SCIMP: variants seen among roughly 807,000 people sequenced by gnomAD.
The protein encoded by SCIMP is SLP adaptor and CSK interacting membrane protein.
Under a neutral mutation model 22.0 loss-of-function variants are expected in SCIMP, and 18 were observed. The observed-to-expected ratio is 0.82, with a 90% confidence interval of 0.56 to 1.21. The LOEUF (loss-of-function observed/expected upper bound fraction) is 1.21. SCIMP is among the 50% of genes most tolerant of loss of function. SCIMP has a pLI of 0.00. For missense variants in SCIMP, 155 were observed against 171.2 expected (o/e 0.91, Z 0.53); for synonymous variants, 53 against 62.2 (o/e 0.85, Z 0.70).
In SCIMP at chr17:5,225,812, A is replaced by G. The variant is rs1271889364; in HGVS notation, c.22-2356T>C. Among the ~76,000 whole-genome samples, 3 of 151,330 alleles carry G rather than the reference A, an allele frequency of 2.0e-5. No homozygotes were observed. In the Admixed American group the frequency reaches 2.0e-4, roughly 10 times the overall value. Reference sequence around the variant, plus strand: ...CAAAGAGGGAGTTGTGAGAACCCCAACTTGAAGCTGGTTGCTCTCAAGTTC... The same window carrying G: ...CAAAGAGGGAGTTGTGAGAACCCCAGCTTGAAGCTGGTTGCTCTCAAGTTC... On this transcript the variant is annotated intron_variant, in intron 1 of 4. Coordinates refer to ENST00000574081, the MANE Select transcript of SCIMP (RefSeq NM_207103.3).
Position 5,209,078 on chromosome 17 carries a change from C to G in SCIMP, c.*1723G>C, listed in dbSNP as rs1235040316. 1 of 152,098 alleles carries G rather than the reference C, an allele frequency of 6.6e-6. No individual in the cohort carries two copies. Among genetic ancestry groups the G allele is most frequent in the East Asian group, 1.9e-4 (1 of 5,194 alleles). 9.4% of individuals were successfully genotyped at this position (152,098 alleles called of 1,614,324 possible). A position where few individuals can be genotyped will look rare whatever the true frequency, so the allele number is the denominator to read the frequency against. ...TCTTTGGCTGGTGGGATACCAGAGT[C>G]CCATAAGGCCATAGTTAGATAACTA... On this transcript the variant is annotated 3_prime_UTR_variant, in exon 5 of 5. Transcript: ENST00000574081.
intron 1 of SCIMP, among the ~76,000 whole-genome samples, chr17:5,225,557 T>C (rs2074641272): frequency 6.6e-6 from 1 of 151,990 alleles, no homozygotes; most frequent in Non-Finnish European, 1.5e-5. Flanking sequence ...GGTCAGGAGT[T>C]CGAAACCAGC....
At chr17:5,218,482 G>C (rs2074582145) in intron 3 of SCIMP, among the ~76,000 whole-genome samples, 1 of 152,096 alleles carries the variant, frequency 6.6e-6, no homozygotes, top group South Asian at 2.1e-4. Flanking sequence ...TGGGATTACA[G>C]GCACACACCA....
At chr17:5,230,828 TACTC>T (rs1264854869) in intron 1 of SCIMP, among the ~76,000 whole-genome samples, 1 of 152,112 alleles carries the variant, frequency 6.6e-6, no homozygotes, top group African/African-American at 2.4e-5. Flanking sequence ...TAGTCCCAGA[TACTC>T]AGGAGGCTGA....
intron 3 of SCIMP, among the ~76,000 whole-genome samples, chr17:5,219,972 ACT>A (rs980060815): frequency 6.6e-6 from 1 of 151,668 alleles, no homozygotes; most frequent in African/African-American, 2.4e-5. Context: ...TAGACCCCAC[ACT>A]CCATCACTTT....
At position 5,223,318 on chromosome 17, in the gene SCIMP, T is replaced by C; in HGVS notation, c.145+15A>G. 6.2e-7 allele frequency: 1 copy of C among 1,613,036 alleles called. No homozygotes were observed. Among genetic ancestry groups the C allele is most frequent in the South Asian group, 1.1e-5 (1 of 91,034 alleles). ...TGGCTCCTCCCTCCACCTGCCTAGG[T>C]AAAATGGCCATTACCTCGTCTAAGC... On this transcript the variant is annotated intron_variant, in intron 2 of 4. Transcript: ENST00000574081.
At position 5,210,564 on chromosome 17, in the gene SCIMP, G is replaced by A. The variant is rs1376500887; in HGVS notation, c.*237C>T. The A allele has an allele frequency of 2.1e-6, 1 of 478,232 alleles. No homozygotes were observed. The highest frequency in any genetic ancestry group is 3.6e-6 in the Non-Finnish European group (1 of 278,096). 29.6% of individuals were successfully genotyped at this position (478,232 alleles called of 1,614,324 possible). A position where few individuals can be genotyped will look rare whatever the true frequency, so the allele number is the denominator to read the frequency against. ...ATGGAAAGTTTCCTCAACAGCACAA[G>A]GCTGACCCCTCTAAGTCCTCAGAGC... On this transcript the variant is annotated 3_prime_UTR_variant, in exon 5 of 5. Transcript: ENST00000574081.
intron 1 of SCIMP, among the ~76,000 whole-genome samples, chr17:5,225,015 CAAG>C (rs2074636395): frequency 6.6e-6 from 1 of 152,106 alleles, no homozygotes; most frequent in Non-Finnish European, 1.5e-5. Flanking sequence ...AGTGAGAGGT[CAAG>C]AAGAGAGCAC....
At chr17:5,230,504 A>C (rs909571716) in intron 1 of SCIMP, among the ~76,000 whole-genome samples, 1 of 152,154 alleles carries the variant, frequency 6.6e-6, no homozygotes, top group Non-Finnish European at 1.5e-5. Context: ...GAAGGGATGG[A>C]AAGATGAAAA....
intron 4 of SCIMP, chr17:5,213,744 A>G (rs768879154): frequency 1.3e-5 from 2 of 152,236 alleles, no homozygotes; most frequent in African/African-American, 4.8e-5. Flanking sequence ...GTTACTCAGG[A>G]GGCTGAGGCA....
chr17:5,217,729 A>C (rs2074576170), intron 3 of SCIMP, among the ~76,000 whole-genome samples: 1 of 151,864 alleles, frequency 6.6e-6, no homozygotes. Flanking sequence ...ATGTCCCTAC[A>C]AAGGACATGA....
rs2074725835 is a variant in SCIMP at position 5,234,195 on chromosome 17, C to T, written c.21+540G>A. Among the ~76,000 whole-genome samples the T allele has an allele frequency of 2.6e-5, 4 of 152,022 alleles. No individual in the cohort carries two copies. The South Asian group carries it at 6.2e-4, about 24-fold the overall frequency. ...CTGAGGCAGGAGAATCGCTTGAACC[C>T]GGGAGGCGGTGGTTGCAGTGAGCCG... On this transcript the variant is annotated intron_variant, in intron 1 of 4. Transcript: ENST00000574081.
In SCIMP at chr17:5,210,966, C is replaced by CA; in HGVS notation, c.284-12dup. 6.3e-7 allele frequency: 1 copy of CA among 1,592,234 alleles called. No homozygotes were observed. The highest frequency in any genetic ancestry group is 8.5e-7 in the Non-Finnish European group (1 of 1,174,194). On this transcript the variant is annotated splice_polypyrimidine_tract_variant and intron_variant, in intron 4 of 4. Transcript: ENST00000574081. Reference sequence around the variant, plus strand: ...GGGCTTCCTGTGGGGCTAGAATACACAAAAAGCTCCTTAGATGCAAAGCTG... The same window carrying CA: ...GGGCTTCCTGTGGGGCTAGAATACACAAAAAAGCTCCTTAGATGCAAAGCTG...
intron 3 of SCIMP, among the ~76,000 whole-genome samples, chr17:5,216,811 T>G (rs1393537537): frequency 6.6e-6 from 1 of 152,190 alleles, no homozygotes; most frequent in Admixed American, 6.5e-5. Flanking sequence ...TTGATCTGGG[T>G]GCCAGTGACC....
At chr17:5,228,691 C>T (rs917754193) in intron 1 of SCIMP, among the ~76,000 whole-genome samples, 2 of 151,866 alleles carry the variant, frequency 1.3e-5, no homozygotes, top group African/African-American at 2.4e-5. Flanking sequence ...TCCAACTGAG[C>T]CTGTGACAGT....
intron 1 of SCIMP, among the ~76,000 whole-genome samples, chr17:5,225,739 G>A (rs1431340971): frequency 1.3e-5 from 2 of 150,530 alleles, no homozygotes; most frequent in East Asian, 1.9e-4. Context: ...TCCAGCCTGG[G>A]CAACAAGAGC....
At chr17:5,215,115 T>A in intron 3 of SCIMP, 117 bp from the exon 4 acceptor site, 1 of 693,176 alleles carries the variant, frequency 1.4e-6, no homozygotes. Context: ...TCTTGGTCTC[T>A]ACTAATTGGA....
At chr17:5,229,384 C>CTTTTTTTT (rs71151849) in intron 1 of SCIMP, among the ~76,000 whole-genome samples, 1 of 59,284 alleles carries the variant, frequency 1.7e-5, no homozygotes, top group Admixed American at 2.3e-4. Flanking sequence ...GTTTATTTAG[C>CTTTTTTTT]TTTTTTTTTT....
At chr17:5,234,640 C>T (rs1220353476) in intron 1 of SCIMP, 95 bp downstream of exon 1, 5 of 1,323,530 alleles carry the variant, frequency 3.8e-6, no homozygotes, top group Admixed American at 1.9e-5. Flanking sequence ...CAGTGCTGAT[C>T]GGTGGCTCCC....
Sources: gnomAD v4.1 joint callset for allele counts (sites outside exome capture counted in the v4.1 genomes callset) on GRCh38, gnomAD v4.1.1 for gene constraint, MANE v1.5 for transcripts, NCBI Gene and HGNC (gene_info 2026-07-23, HGNC 2026-07-21) for gene names.